The following ROBO1 variants were observed in gnomAD, a reference collection of about 807,000 sequenced individuals.
ROBO1 encodes roundabout guidance receptor 1, also known as roundabout homolog 1.
A neutral mutation model predicts 195.9 loss-of-function variants in ROBO1; 149 were observed. The ratio of observed to expected loss-of-function variants is 0.76; its 90% CI spans 0.67 to 0.87. ROBO1 has a LOEUF of 0.87. ROBO1 is among the 40% of genes least tolerant of loss of function. The pLI is 0.00. For synonymous variants in ROBO1, 816 were observed against 733.2 expected (o/e 1.11, Z -1.82); for missense variants, 1,933 against 2,068.3 (o/e 0.93, Z 1.27).
intron 2 of ROBO1, among the ~76,000 whole-genome samples, chr3:79,343,203 A>G (rs543341182): frequency 1.1e-4 from 16 of 152,190 alleles, no homozygotes; most frequent in Admixed American, 9.8e-4. Context: ...ATAATATTCT[A>G]TTGTCTGGAT....
At chr3:79,486,809 G>A (rs9836277) in intron 2 of ROBO1, among the ~76,000 whole-genome samples, 54,831 of 151,488 alleles carry the variant, frequency 0.36, 10,115 homozygotes, top group African/African-American at 0.44. Context: ...ATCCAAAAAT[G>A]CTCTCTGCCC....
intron 3 of ROBO1, among the ~76,000 whole-genome samples, chr3:79,051,207 A>G (rs1383411977): frequency 6.6e-6 from 1 of 152,122 alleles, no homozygotes; most frequent in African/African-American, 2.4e-5. Flanking sequence ...TAGACACAAT[A>G]AAAAATGATA....
At chr3:79,449,526 T>C (rs2107186858) in intron 2 of ROBO1, among the ~76,000 whole-genome samples, 1 of 152,272 alleles carries the variant, frequency 6.6e-6, no homozygotes. Context: ...ATTTTGAATA[T>C]TCTCAGTAAA....
At chr3:79,684,303 C>G (rs1448726137) in intron 1 of ROBO1, among the ~76,000 whole-genome samples, 1 of 151,966 alleles carries the variant, frequency 6.6e-6, no homozygotes, top group African/African-American at 2.4e-5. Context: ...GGTTATTTTC[C>G]CTTACATAAA....
At chr3:79,248,596 A>G (rs540159033) in intron 2 of ROBO1, among the ~76,000 whole-genome samples, 3 of 152,184 alleles carry the variant, frequency 2.0e-5, no homozygotes, top group Non-Finnish European at 4.4e-5. Context: ...GATTCAATAT[A>G]AACATAATAT....
chr3:79,711,755 C>T (rs1370053617), intron 1 of ROBO1, among the ~76,000 whole-genome samples: 1 of 152,070 alleles, frequency 6.6e-6, no homozygotes, highest in East Asian at 1.9e-4. Context: ...TGTGGCAACA[C>T]GTGTTGAGCA....
intron 2 of ROBO1, among the ~76,000 whole-genome samples, chr3:79,492,427 G>GAAAAAAAAAAAAAAAAA (rs57495210): frequency 9.1e-6 from 1 of 109,544 alleles, no homozygotes. Context: ...CTCTGTTTCA[G>GAAAAAAAAAAAAAAAAA]AAAAAAAAAA....
chr3:79,659,741 T>A (rs891631419), intron 1 of ROBO1, among the ~76,000 whole-genome samples: 3 of 152,056 alleles, frequency 2.0e-5, no homozygotes, highest in Admixed American at 1.3e-4. Flanking sequence ...TAAGCCACCA[T>A]GTCGACAGTG....
intron 2 of ROBO1, among the ~76,000 whole-genome samples, chr3:79,476,806 T>C (rs1056821894): frequency 1.6e-4 from 24 of 151,950 alleles, no homozygotes. Flanking sequence ...ACACACTGGG[T>C]AAGGGGTACA....
intron 4 of ROBO1, among the ~76,000 whole-genome samples, chr3:78,818,313 A>G (rs1325645611): frequency 6.6e-6 from 1 of 152,094 alleles, no homozygotes; most frequent in East Asian, 1.9e-4. Flanking sequence ...GCTCTGCAGC[A>G]TGTATAGCTG....
At chr3:78,750,483 AAATAAATAAAT>A (rs1458341704) in intron 4 of ROBO1, among the ~76,000 whole-genome samples, 1 of 148,282 alleles carries the variant, frequency 6.7e-6, no homozygotes, top group African/African-American at 2.5e-5. Flanking sequence ...ATAAATAAAT[AAATAAATAAAT>A]AAATAAAATA....
At chr3:79,387,757 G>C (rs570873249) in intron 2 of ROBO1, among the ~76,000 whole-genome samples, 1 of 152,192 alleles carries the variant, frequency 6.6e-6, no homozygotes, top group Admixed American at 6.5e-5. Flanking sequence ...CTAGAAAATG[G>C]AAAGCCATTA....
chr3:79,022,795 A>G (rs1490980440), intron 3 of ROBO1, among the ~76,000 whole-genome samples: 1 of 152,186 alleles, frequency 6.6e-6, no homozygotes, highest in Non-Finnish European at 1.5e-5. Context: ...GAAATTCAGG[A>G]TCCCCAAAAT....
intron 2 of ROBO1, among the ~76,000 whole-genome samples, chr3:79,321,363 T>C (rs962131662): frequency 6.6e-6 from 1 of 152,216 alleles, no homozygotes; most frequent in Non-Finnish European, 1.5e-5. Context: ...GGACACTTTG[T>C]AGCAGGCATG....
intron 2 of ROBO1, among the ~76,000 whole-genome samples, chr3:79,383,398 G>T (rs1192504437): frequency 6.6e-6 from 1 of 151,826 alleles, no homozygotes; most frequent in Non-Finnish European, 1.5e-5. Flanking sequence ...TAAATTGTTT[G>T]ATCAACAATT....
intron 2 of ROBO1, among the ~76,000 whole-genome samples, chr3:79,273,773 CT>C (rs2030781934): frequency 6.6e-6 from 1 of 151,272 alleles, no homozygotes; most frequent in South Asian, 2.1e-4. Context: ...CACATTTCAC[CT>C]ATAAAAGGTA....
chr3:78,723,279 G>C (rs1364298436), intron 5 of ROBO1, among the ~76,000 whole-genome samples: 1 of 152,134 alleles, frequency 6.6e-6, no homozygotes, highest in Non-Finnish European at 1.5e-5. Context: ...ATACTGTACA[G>C]GTTTGCGGCC....
intron 10 of ROBO1, 112 bp from the exon 11 acceptor site, chr3:78,670,413 A>G (rs1708001853): frequency 2.4e-6 from 2 of 832,462 alleles, no homozygotes; most frequent in Non-Finnish European, 3.7e-6. Flanking sequence ...TAATTAAACA[A>G]GTAATTAAAG....
chr3:79,720,945 A>G (rs760724048), intron 1 of ROBO1, among the ~76,000 whole-genome samples: 140 of 152,008 alleles, frequency 9.2e-4, no homozygotes, highest in Non-Finnish European at 1.8e-3. Flanking sequence ...GGCGCCCGCC[A>G]CCGTGCCCGG....
Sources: gnomAD v4.1 joint callset for allele counts (sites outside exome capture counted in the v4.1 genomes callset) on GRCh38, gnomAD v4.1.1 for gene constraint, MANE v1.5 for transcripts, NCBI Gene and HGNC (gene_info 2026-07-23, HGNC 2026-07-21) for gene names.